Variants in TP53BP1 observed in about 807,000 individuals in gnomAD.
TP53BP1 encodes the protein tumor protein p53 binding protein 1.
Under a neutral mutation model 200.8 loss-of-function variants are expected in TP53BP1, and 61 were observed. That is an observed-to-expected ratio of 0.30 (90% CI 0.25 to 0.38). The LOEUF is 0.38. TP53BP1 is among the 10% of genes least tolerant of loss of function. The probability of loss-of-function intolerance (pLI) is 1.00; values close to 1 mark genes in which losing one functional copy is unlikely to be tolerated. For missense variants in TP53BP1, 2,144 were observed against 2,371.9 expected (o/e 0.90, Z 2.00); for synonymous variants, 822 against 844.3 (o/e 0.97, Z 0.46).
intron 1 of TP53BP1, among the ~76,000 whole-genome samples, chr15:43,509,830 A>AC (rs1393933121): frequency 6.6e-6 from 1 of 151,126 alleles, no homozygotes; most frequent in Non-Finnish European, 1.5e-5. Flanking sequence ...GGCAAACGGG[A>AC]CAAAAAAAAA....
In TP53BP1 at chr15:43,498,765, T is replaced by G. The variant is rs768117355; in HGVS notation, c.-8-6297A>C. Among the ~76,000 whole-genome samples the G allele has an allele frequency of 3.9e-5, 6 of 152,324 alleles. No homozygotes were observed. The South Asian group carries it at 1.0e-3, about 26-fold the overall frequency. ...AGATTAGTAACGAATCAATGTTATT[T>G]TCCTGATCTTGATAATTATACTCTG... On this transcript the variant is annotated intron_variant, in intron 1 of 27. Transcript: ENST00000263801.
chr15:43,505,305 T>C (rs956324782), intron 1 of TP53BP1, among the ~76,000 whole-genome samples: 1 of 152,202 alleles, frequency 6.6e-6, no homozygotes, highest in African/African-American at 2.4e-5. Flanking sequence ...AGTTATATAG[T>C]TAGGTTTGAA....
chr15:43,506,753 T>C (rs527480605), intron 1 of TP53BP1, among the ~76,000 whole-genome samples: 50 of 152,360 alleles, frequency 3.3e-4, no homozygotes, highest in African/African-American at 1.1e-3. Context: ...CTACTACCTG[T>C]GTCTGACAAT....
chr15:43,489,770 T>G (rs1295300222), intron 4 of TP53BP1, among the ~76,000 whole-genome samples: 1 of 152,200 alleles, frequency 6.6e-6, no homozygotes, highest in African/African-American at 2.4e-5. Flanking sequence ...TTTTACCACC[T>G]ATGTAGGCCA....
In TP53BP1 at chr15:43,455,928, C is replaced by T. The variant is rs781717967; in HGVS notation, c.2680G>A (p.Ala894Thr). The T allele has an allele frequency of 1.1e-5, 17 of 1,614,184 alleles. No individual in the cohort carries two copies. The South Asian group carries it at 1.9e-4, about 18-fold the overall frequency. ...AEAQKLGKPS[A>T]HASQSFCESS... ...TCACAGAAGCTTTGTGAGGCATGGGCAGAGGGCTTCCCCAGCTTCTGGGCC... is the reference window on the plus strand; with the variant it reads ...TCACAGAAGCTTTGTGAGGCATGGGTAGAGGGCTTCCCCAGCTTCTGGGCC... Residue 894 changes from alanine to threonine, a missense_variant, in exon 12 of 28, where the codon GCC becomes ACC. Ala to Thr is a moderately conservative substitution (Grantham distance 58). Coordinates refer to ENST00000382044, the MANE Select transcript of TP53BP1 (RefSeq NM_001141980.3).
intron 16 of TP53BP1, among the ~76,000 whole-genome samples, 191 bp downstream of exon 16, chr15:43,438,133 T>A (rs2045842672): frequency 6.6e-6 from 1 of 152,248 alleles, no homozygotes; most frequent in South Asian, 2.1e-4. Flanking sequence ...TTACCTCTTT[T>A]TTGTGTATGT....
chr15:43,449,625 G>A (rs2046122980), intron 12 of TP53BP1, among the ~76,000 whole-genome samples: 1 of 152,066 alleles, frequency 6.6e-6, no homozygotes, highest in Non-Finnish European at 1.5e-5. Context: ...CCTCATTCCT[G>A]GATTATTACC....
chr15:43,490,493 G>A (rs2079106658), intron 4 of TP53BP1, among the ~76,000 whole-genome samples: 1 of 151,914 alleles, frequency 6.6e-6, no homozygotes, highest in African/African-American at 2.4e-5. Flanking sequence ...TAAAGTGCTG[G>A]GATTACAGGT....
chr15:43,416,767 T>TA, intron 21 of TP53BP1: 1 of 175,396 alleles, frequency 5.7e-6, no homozygotes, highest in Non-Finnish European at 1.2e-5. Context: ...TTCTAAACAT[T>TA]TCCTTCTTGG....
intron 10 of TP53BP1, among the ~76,000 whole-genome samples, chr15:43,471,808 A>G (rs1204363339): frequency 6.6e-6 from 1 of 152,220 alleles, no homozygotes; most frequent in Admixed American, 6.5e-5. Context: ...AAACTGTTTT[A>G]AGAATTAACC....
chr15:43,491,566 A>G (rs903760805), intron 4 of TP53BP1, 103 bp downstream of exon 4: 117 of 888,890 alleles, frequency 1.3e-4, no homozygotes, highest in Non-Finnish European at 2.0e-4. Context: ...CCTAATCCAC[A>G]AGAAAGAGAT....
At chr15:43,452,776 A>G (rs1466285343) in intron 12 of TP53BP1, among the ~76,000 whole-genome samples, 2 of 152,238 alleles carry the variant, frequency 1.3e-5, no homozygotes, top group African/African-American at 4.8e-5. Flanking sequence ...TAATAAAATA[A>G]TAAGTTTTAC....
intron 18 of TP53BP1, among the ~76,000 whole-genome samples, chr15:43,423,721 A>G (rs143788590): frequency 1.3e-5 from 2 of 152,058 alleles, no homozygotes; most frequent in African/African-American, 4.8e-5. Flanking sequence ...ATACATTTAG[A>G]TAATACTATA....
At chr15:43,441,971 C>G in intron 14 of TP53BP1, among the ~76,000 whole-genome samples, 1 of 151,954 alleles carries the variant, frequency 6.6e-6, no homozygotes, top group Non-Finnish European at 1.5e-5. Context: ...AAGCTGGTCT[C>G]AAACTCCTGA....
rs1248381826 is a variant in TP53BP1 at position 43,405,376 on chromosome 15, C to T, written c.*2007G>A. 4 of 732,516 alleles carry T rather than the reference C, an allele frequency of 5.5e-6. No individual in the cohort carries two copies. The highest frequency in any genetic ancestry group is 2.7e-5 in the East Asian group (1 of 37,088). The allele number at this position is 732,516 out of a possible 1,614,324, so 45.4% of individuals were successfully genotyped here. A position where few individuals can be genotyped will look rare whatever the true frequency, so the allele number is the denominator to read the frequency against. ...AGTTACTGAACATCCAGGAGTACAACTCCTTCCCATCATTCCCATGTGGAA... is the reference window on the plus strand; with the variant it reads ...AGTTACTGAACATCCAGGAGTACAATTCCTTCCCATCATTCCCATGTGGAA... On this transcript the variant is annotated 3_prime_UTR_variant, in exon 28 of 28. Transcript: ENST00000382044.
At chr15:43,491,925 A>C (rs1381361534) in intron 3 of TP53BP1, 77 bp downstream of exon 3, 1 of 1,248,214 alleles carries the variant, frequency 8.0e-7, no homozygotes, top group African/African-American at 1.5e-5. Context: ...ACACAACCAC[A>C]TAAAGTTTAA....
Position 43,420,747 on chromosome 15 carries a change from TA to T in TP53BP1, c.4251-13del, listed in dbSNP as rs764292270. On this transcript the variant is annotated splice_polypyrimidine_tract_variant and intron_variant, in intron 20 of 27. Coordinates refer to ENST00000382044, the MANE Select transcript of TP53BP1 (RefSeq NM_001141980.3). Reference sequence around the variant, plus strand: ...GCACAGCTGTTTCTCTAAAGAGAGATAGGGGATAGGAGAAGCCGGTGAGAAC... The same window carrying T: ...GCACAGCTGTTTCTCTAAAGAGAGATGGGGATAGGAGAAGCCGGTGAGAAC... The T allele has an allele frequency of 2.1e-5, 33 of 1,606,918 alleles. No homozygotes were observed. Among genetic ancestry groups the T allele is most frequent in the Non-Finnish European group, 2.7e-5 (32 of 1,176,324 alleles).
chr15:43,453,811 C>T (rs2046228975), intron 12 of TP53BP1, among the ~76,000 whole-genome samples: 1 of 151,820 alleles, frequency 6.6e-6, no homozygotes, highest in East Asian at 1.9e-4. Context: ...TCTCAAAGTG[C>T]TGGGATTACA....
intron 11 of TP53BP1, among the ~76,000 whole-genome samples, chr15:43,458,590 G>T (rs1289817382): frequency 6.6e-6 from 1 of 151,978 alleles, no homozygotes; most frequent in Non-Finnish European, 1.5e-5. Context: ...GACCAGCCTG[G>T]ACAACATGGC....
Sources: allele counts gnomAD v4.1 joint callset (sites outside exome capture counted in the v4.1 genomes callset), GRCh38; gene constraint gnomAD v4.1.1; transcripts MANE v1.5; gene names NCBI Gene and HGNC (gene_info 2026-07-23, HGNC 2026-07-21).